GPC6: variants seen among roughly 807,000 people sequenced by gnomAD.
The protein encoded by GPC6 is glypican-6.
In GPC6, 14 loss-of-function variants were observed where a neutral mutation model predicts 55.2. The ratio of observed to expected loss-of-function variants is 0.25; its 90% CI spans 0.17 to 0.40. GPC6 has a LOEUF of 0.40. Ranked by LOEUF, GPC6 falls within the 10% of genes least tolerant of loss-of-function variation. The pLI, the probability that GPC6 is intolerant of heterozygous loss-of-function variation, is 1.00. For missense variants in GPC6, 641 were observed against 708.5 expected (o/e 0.90, Z 1.08); for synonymous variants, 278 against 259.6 (o/e 1.07, Z -0.68).
chr13:94,226,785 C>G (rs1890572482), intron 4 of GPC6, among the ~76,000 whole-genome samples: 1 of 152,138 alleles, frequency 6.6e-6, no homozygotes, highest in Non-Finnish European at 1.5e-5. Context: ...AAGGATGATA[C>G]CCTCAACATT....
At chr13:94,342,199 A>G (rs1484953081) in intron 6 of GPC6, among the ~76,000 whole-genome samples, 1 of 152,224 alleles carries the variant, frequency 6.6e-6, no homozygotes, top group African/African-American at 2.4e-5. Context: ...TGGTTATTTA[A>G]TAGAAAGCAC....
At chr13:93,978,761 C>T (rs1481404484) in intron 3 of GPC6, among the ~76,000 whole-genome samples, 1 of 152,098 alleles carries the variant, frequency 6.6e-6, no homozygotes, top group African/African-American at 2.4e-5. Flanking sequence ...ATAATCTCTC[C>T]TACAAAGGTA....
In GPC6 at chr13:93,340,026, CTTTTTTTTTTTT is replaced by C. The variant is rs10714044; in HGVS notation, c.160+112426_160+112437del. ...AAAAACAAAAACAAAAGTTTTCTTTCTTTTTTTTTTTTTTTTTTTTTTTTTTTGAGACGGAGT... is the reference window on the plus strand; with the variant it reads ...AAAAACAAAAACAAAAGTTTTCTTTCTTTTTTTTTTTTTTTGAGACGGAGT... On this transcript the variant is annotated intron_variant, in intron 1 of 8. Transcript: ENST00000377047. Among the ~76,000 whole-genome samples the C allele has an allele frequency of 9.8e-5, 8 of 81,618 alleles. No individual in the cohort carries two copies. The South Asian group carries it at 1.4e-3, about 14-fold the overall frequency. 53.5% of individuals were successfully genotyped at this position (81,618 alleles called of 152,430 possible).
chr13:93,758,616 A>G (rs1375659759), intron 2 of GPC6, among the ~76,000 whole-genome samples: 2 of 152,014 alleles, frequency 1.3e-5, no homozygotes, highest in Non-Finnish European at 1.5e-5. Flanking sequence ...ATCAATAGGT[A>G]TATTTATCTA....
intron 2 of GPC6, among the ~76,000 whole-genome samples, chr13:93,827,730 T>C (rs187890338): frequency 3.3e-4 from 51 of 152,314 alleles, no homozygotes; most frequent in Non-Finnish European, 7.1e-4. Context: ...GCCGTATTTA[T>C]TGAAATGTGA....
chr13:93,897,727 T>TC (rs1032804805), intron 3 of GPC6, among the ~76,000 whole-genome samples: 1 of 151,790 alleles, frequency 6.6e-6, no homozygotes, highest in Non-Finnish European at 1.5e-5. Context: ...TAGTCTTCTG[T>TC]CCCCCCCATC....
At chr13:93,911,709 T>C (rs1876992919) in intron 3 of GPC6, among the ~76,000 whole-genome samples, 1 of 152,248 alleles carries the variant, frequency 6.6e-6, no homozygotes, top group South Asian at 2.1e-4. Context: ...TTAACCATTA[T>C]GACTGTTTCC....
chr13:93,626,480 C>G (rs920510809), intron 2 of GPC6, among the ~76,000 whole-genome samples: 3 of 152,162 alleles, frequency 2.0e-5, no homozygotes, highest in Non-Finnish European at 2.9e-5. Context: ...TTGGATAACC[C>G]TTGTATTAGT....
chr13:94,067,056 C>T (rs1334148849), intron 4 of GPC6, among the ~76,000 whole-genome samples: 1 of 152,098 alleles, frequency 6.6e-6, no homozygotes, highest in Non-Finnish European at 1.5e-5. Context: ...GGCATAAGCA[C>T]TTTTAGGTAA....
At chr13:94,055,669 G>A (rs1009309433) in intron 4 of GPC6, among the ~76,000 whole-genome samples, 1 of 152,154 alleles carries the variant, frequency 6.6e-6, no homozygotes, top group Non-Finnish European at 1.5e-5. Context: ...ATTGTTGGAT[G>A]TAGTCAAATA....
At chr13:94,127,662 A>G (rs1374820167) in intron 4 of GPC6, among the ~76,000 whole-genome samples, 2 of 152,192 alleles carry the variant, frequency 1.3e-5, no homozygotes, top group African/African-American at 4.8e-5. Flanking sequence ...GGTCATTGCC[A>G]GTTACAAATG....
chr13:93,279,350 A>C (rs1320531473), intron 1 of GPC6, among the ~76,000 whole-genome samples: 1 of 152,222 alleles, frequency 6.6e-6, no homozygotes, highest in Non-Finnish European at 1.5e-5. Flanking sequence ...ATTCTAGAAG[A>C]CAGTAAGAAA....
intron 3 of GPC6, among the ~76,000 whole-genome samples, chr13:93,844,528 T>A (rs1466760082): frequency 1.3e-5 from 2 of 151,922 alleles, no homozygotes; most frequent in African/African-American, 4.8e-5. Context: ...GAGTTCATTG[T>A]AGATTCTGGA....
intron 2 of GPC6, among the ~76,000 whole-genome samples, chr13:93,798,717 G>A (rs75895888): frequency 1.1e-4 from 17 of 152,060 alleles, no homozygotes; most frequent in African/African-American, 3.9e-4. Context: ...TCAGAAGTTC[G>A]AGATCAGCCT....
chr13:93,590,741 T>C (rs1227074461), intron 2 of GPC6, among the ~76,000 whole-genome samples: 2 of 152,208 alleles, frequency 1.3e-5, no homozygotes, highest in Non-Finnish European at 1.5e-5. Flanking sequence ...GAAGCCTTTA[T>C]CTTCTTTGTT....
chr13:93,833,540 T>C (rs1339914052), intron 3 of GPC6, among the ~76,000 whole-genome samples: 1 of 150,702 alleles, frequency 6.6e-6, no homozygotes, highest in African/African-American at 2.4e-5. Context: ...ATGAACAAAC[T>C]AGCTTATCTC....
chr13:93,283,567 C>T (rs1878018710), intron 1 of GPC6, among the ~76,000 whole-genome samples: 1 of 151,964 alleles, frequency 6.6e-6, no homozygotes, highest in South Asian at 2.1e-4. Context: ...GGTGGCATGC[C>T]AATTTTCATT....
At chr13:94,338,616 G>A (rs890841822) in intron 6 of GPC6, among the ~76,000 whole-genome samples, 59 of 152,290 alleles carry the variant, frequency 3.9e-4, no homozygotes, top group Middle Eastern at 3.4e-3. Flanking sequence ...TACTGGTGAT[G>A]GCCAGCCTCT....
chr13:93,264,789 T>A (rs1877268626), intron 1 of GPC6, among the ~76,000 whole-genome samples: 1 of 152,132 alleles, frequency 6.6e-6, no homozygotes, highest in Admixed American at 6.5e-5. Flanking sequence ...TATTTTAAAA[T>A]TGTATTATTT....
Sources: allele counts gnomAD v4.1 joint callset (sites outside exome capture counted in the v4.1 genomes callset), GRCh38; gene constraint gnomAD v4.1.1; transcripts MANE v1.5; gene names NCBI Gene and HGNC (gene_info 2026-07-23, HGNC 2026-07-21).